LMNB1: variants seen among roughly 807,000 people sequenced by gnomAD.
LMNB1 encodes the protein lamin B1, also known as lamin-B1.
In LMNB1, 23 loss-of-function variants were observed where a neutral mutation model predicts 67.1. The observed-to-expected ratio is 0.34, with a 90% CI of 0.25 to 0.49. LMNB1 has a LOEUF of 0.49. Ranked by LOEUF, LMNB1 falls within the 20% of genes least tolerant of loss-of-function variation. The pLI, the probability that LMNB1 is intolerant of heterozygous loss-of-function variation, is 0.99. For synonymous variants in LMNB1, 281 were observed against 282.9 expected (o/e 0.99, Z 0.07); for missense variants, 634 against 746.5 (o/e 0.85, Z 1.76).
chr5:126,801,875 G>A (rs921913052), intron 1 of LMNB1, among the ~76,000 whole-genome samples: 2 of 152,224 alleles, frequency 1.3e-5, no homozygotes, highest in African/African-American at 2.4e-5. Flanking sequence ...TTTTGAGTCA[G>A]TAGCTTTTGT....
Position 126,788,896 on chromosome 5 carries a change from G to GT in LMNB1, c.359+11037dup, listed in dbSNP as rs199928160. On this transcript the variant is annotated intron_variant, in intron 1 of 10. Coordinates refer to ENST00000261366, the MANE Select transcript of LMNB1 (RefSeq NM_005573.4). ...AAGGGAAGGAGACAAGTTTTTTTTT[G>GT]TTTTTTTTGTTTTTTTTTTTTGAGA... 2.6e-3 allele frequency among the ~76,000 whole-genome samples: 224 copies of GT among 84,900 alleles called. 1 individual carries two copies. The highest frequency in any genetic ancestry group is 6.6e-3 in the African/African-American group (187 of 28,196). The allele number at this position is 84,900 out of a possible 152,430, so 55.7% of individuals were successfully genotyped here.
intron 1 of LMNB1, among the ~76,000 whole-genome samples, chr5:126,801,948 G>A (rs1013920958): frequency 6.6e-6 from 1 of 152,212 alleles, no homozygotes; most frequent in Non-Finnish European, 1.5e-5. Flanking sequence ...CTTATGACAT[G>A]TATCCTAGCC....
chr5:126,814,280 T>G (rs572404644), intron 5 of LMNB1, among the ~76,000 whole-genome samples: 1 of 152,362 alleles, frequency 6.6e-6, no homozygotes, highest in East Asian at 1.9e-4. Flanking sequence ...CTTTTCCATT[T>G]ACTAATAGTA....
At chr5:126,806,730 T>A (rs751099066) in intron 3 of LMNB1, among the ~76,000 whole-genome samples, 1 of 152,122 alleles carries the variant, frequency 6.6e-6, no homozygotes, top group Non-Finnish European at 1.5e-5. Context: ...GGCCTTCTCC[T>A]ATGGCTCACA....
chr5:126,811,871 A>G lies in LMNB1; in HGVS notation c.912A>G (p.Ser304=). 2 of 1,612,986 alleles carry G rather than the reference A, an allele frequency of 1.2e-6. No homozygotes were observed. Among genetic ancestry groups the G allele is most frequent in the Non-Finnish European group, 1.7e-6 (2 of 1,179,058 alleles). Residue 304 remains serine (S), a synonymous_variant, in exon 5 of 11, where the codon TCA becomes TCG. Transcript: ENST00000261366. ...GCCGCATGAGAATTGAGAGCCTTTC[A>G]TCCCAGCTTTCTAATCTACAGAAAG... ...MESRMRIESL[S]SQLSNLQKES... is the part of the protein sequence containing the mutation.
chr5:126,786,112 CT>C (rs70997312), intron 1 of LMNB1, among the ~76,000 whole-genome samples: 36,868 of 106,012 alleles, frequency 0.35, 5,113 homozygotes, highest in Middle Eastern at 0.44. Context: ...CAGACATTAT[CT>C]TTTTTTTTTT....
rs1273614333 is a variant in LMNB1 at position 126,804,823 on chromosome 5, G to A, written c.407G>A (p.Arg136Gln). The A allele has an allele frequency of 3.7e-6, 6 of 1,614,050 alleles. No individual in the cohort carries two copies. The highest frequency in any genetic ancestry group is 3.3e-4 in the Middle Eastern group (2 of 6,062). The change falls in exon 2 of 11, where the codon CGA (arginine) becomes CAA (glutamine). Residue 136 changes from arginine (R) to glutamine (Q), a missense_variant. Physicochemically the swap from Arg to Gln is conservative, Grantham distance 43 (BLOSUM62 1). Coordinates refer to ENST00000261366, the MANE Select transcript of LMNB1 (RefSeq NM_005573.4). ...SDLNGAQIKL[R>Q]EYEAALNSKD... ...CTTAATGGCGCCCAGATCAAGCTTC[G>A]AGAATATGAAGCAGCACTGAATTCG...
intron 9 of LMNB1, among the ~76,000 whole-genome samples, chr5:126,829,998 G>A (rs1752092646): frequency 6.6e-6 from 1 of 151,692 alleles, no homozygotes; most frequent in Non-Finnish European, 1.5e-5. Context: ...AAACTTTCCA[G>A]AATATAGATA....
chr5:126,778,182 G>C (rs964230460), intron 1 of LMNB1, among the ~76,000 whole-genome samples: 1 of 152,088 alleles, frequency 6.6e-6, no homozygotes, highest in African/African-American at 2.4e-5. Context: ...ACTCGAATCC[G>C]GGGAGCCGGC....
intron 5 of LMNB1, among the ~76,000 whole-genome samples, chr5:126,816,131 C>T: frequency 6.6e-6 from 1 of 150,850 alleles, no homozygotes; most frequent in Non-Finnish European, 1.5e-5. Flanking sequence ...AAAGAAAATA[C>T]AAGGAACATG....
chr5:126,802,123 A>G (rs752070401), intron 1 of LMNB1, among the ~76,000 whole-genome samples: 2 of 152,154 alleles, frequency 1.3e-5, no homozygotes, highest in Admixed American at 6.5e-5. Flanking sequence ...ACTAGTCTTC[A>G]GTTAAAGCCT....
chr5:126,826,276 T>G (rs903687313), intron 9 of LMNB1, among the ~76,000 whole-genome samples, 169 bp downstream of exon 9: 30 of 152,088 alleles, frequency 2.0e-4, no homozygotes, highest in African/African-American at 7.0e-4. Context: ...TAAATAGGAG[T>G]GTATTATAGA....
intron 1 of LMNB1, among the ~76,000 whole-genome samples, chr5:126,787,874 A>G (rs1275252540): frequency 5.9e-5 from 9 of 151,872 alleles, no homozygotes; most frequent in Non-Finnish European, 1.2e-4. Context: ...TATATATTTA[A>G]TACATGGGGT....
intron 10 of LMNB1, among the ~76,000 whole-genome samples, chr5:126,835,676 G>A (rs1428540706): frequency 1.3e-5 from 2 of 152,204 alleles, no homozygotes; most frequent in East Asian, 3.8e-4. Context: ...TTATTTGATT[G>A]ATCAAGGGAC....
intron 1 of LMNB1, among the ~76,000 whole-genome samples, chr5:126,801,248 G>T (rs565139131): frequency 6.6e-6 from 1 of 151,826 alleles, no homozygotes; most frequent in East Asian, 1.9e-4. Context: ...ACCGCACTTG[G>T]CCAAGAAGTA....
chr5:126,797,767 CAT>C (rs1191364295), intron 1 of LMNB1, among the ~76,000 whole-genome samples: 1 of 152,162 alleles, frequency 6.6e-6, no homozygotes, highest in Non-Finnish European at 1.5e-5. Flanking sequence ...CTTGACAACT[CAT>C]GTGACATAGA....
intron 1 of LMNB1, among the ~76,000 whole-genome samples, chr5:126,791,420 T>A (rs991541781): frequency 2.0e-5 from 3 of 152,124 alleles, no homozygotes; most frequent in Non-Finnish European, 4.4e-5. Flanking sequence ...GTTTTCCAAT[T>A]TTTGCTATTG....
chr5:126,808,326 G>C (rs1175058027), intron 3 of LMNB1, among the ~76,000 whole-genome samples: 2 of 151,572 alleles, frequency 1.3e-5, no homozygotes, highest in Non-Finnish European at 2.9e-5. Flanking sequence ...TGGGATTACA[G>C]GTTCACACCC....
chr5:126,837,000 A>G lies in LMNB1; in HGVS notation c.*736A>G. On this transcript the variant is annotated 3_prime_UTR_variant, in exon 11 of 11. Coordinates refer to ENST00000261366, the MANE Select transcript of LMNB1 (RefSeq NM_005573.4). ...ATTTCTTATGTGACATTAACAAATAAAAAAGCTCTTTTAATATTGATATAC... is the reference window on the plus strand; with the variant it reads ...ATTTCTTATGTGACATTAACAAATAGAAAAGCTCTTTTAATATTGATATAC... 1 of 397,804 alleles carries G rather than the reference A, an allele frequency of 2.5e-6. No homozygotes were observed. The highest frequency in any genetic ancestry group is 3.6e-5 in the East Asian group (1 of 27,988). 24.6% of individuals were successfully genotyped at this position (397,804 alleles called of 1,614,324 possible).
Sources: gnomAD v4.1 joint callset for allele counts (sites outside exome capture counted in the v4.1 genomes callset) on GRCh38, gnomAD v4.1.1 for gene constraint, MANE v1.5 for transcripts, NCBI Gene and HGNC (gene_info 2026-07-23, HGNC 2026-07-21) for gene names.